The following VPS13D variants were observed in gnomAD, a reference collection of about 807,000 sequenced individuals.
VPS13D encodes vacuolar protein sorting 13 homolog D, also known as intermembrane lipid transfer protein VPS13D.
In VPS13D, 187 loss-of-function variants were observed where a neutral mutation model predicts 461.9. That is an observed-to-expected ratio of 0.40 (90% CI 0.36 to 0.46). The LOEUF is 0.46. VPS13D is among the 20% of genes least tolerant of loss of function. The pLI, the probability that VPS13D is intolerant of heterozygous loss-of-function variation, is 0.60. For synonymous variants in VPS13D, 1,951 were observed against 1,986.3 expected (o/e 0.98, Z 0.47); for missense variants, 4,711 against 5,364.9 (o/e 0.88, Z 3.81).
In VPS13D at chr1:12,355,886, G is replaced by T. The variant is rs148182752; in HGVS notation, c.9680-13G>T. The T allele has an allele frequency of 7.6e-5, 116 of 1,519,862 alleles. No homozygotes were observed. In the East Asian group the frequency reaches 2.4e-3, roughly 31 times the overall value. 94.1% of individuals were successfully genotyped at this position (1,519,862 alleles called of 1,614,324 possible). On this transcript the variant is annotated splice_polypyrimidine_tract_variant and intron_variant, in intron 47 of 69. Coordinates refer to ENST00000620676, the MANE Select transcript of VPS13D (RefSeq NM_015378.4). ...TGAGAACTCTGAAAGTTAATAGTTT[G>T]TATCTTCTTTAGGGGTATCACTGGA... is the stretch of plus-strand genomic sequence containing the variant.
At chr1:12,482,784 G>T (rs932913640) in intron 67 of VPS13D, among the ~76,000 whole-genome samples, 1 of 148,082 alleles carries the variant, frequency 6.8e-6, no homozygotes, top group East Asian at 1.9e-4. Context: ...TGTATACATA[G>T]TATACATATA....
At chr1:12,491,126 A>G (rs1645875200) in intron 67 of VPS13D, among the ~76,000 whole-genome samples, 2 of 152,248 alleles carry the variant, frequency 1.3e-5, no homozygotes, top group African/African-American at 4.8e-5. Flanking sequence ...ACACTCGAGC[A>G]CAGTATATAT....
chr1:12,334,833 T>C (rs1643410931), intron 38 of VPS13D, among the ~76,000 whole-genome samples: 1 of 152,214 alleles, frequency 6.6e-6, no homozygotes, highest in Non-Finnish European at 1.5e-5. Context: ...GTTTTGTTTT[T>C]TTCACCTTCA....
chr1:12,261,361 G>A (rs984399505), intron 12 of VPS13D, among the ~76,000 whole-genome samples: 1 of 152,200 alleles, frequency 6.6e-6, no homozygotes, highest in African/African-American at 2.4e-5. Context: ...GAGCTGAGAG[G>A]CAGAGCGTGT....
intron 67 of VPS13D, among the ~76,000 whole-genome samples, chr1:12,467,679 A>T (rs372373100): frequency 1.3e-5 from 2 of 152,164 alleles, no homozygotes; most frequent in Non-Finnish European, 2.9e-5. Flanking sequence ...GCTCAGATCT[A>T]TTGTTGGAAA....
chr1:12,433,066 C>T (rs568801246), intron 65 of VPS13D, among the ~76,000 whole-genome samples: 4 of 152,256 alleles, frequency 2.6e-5, no homozygotes, highest in Non-Finnish European at 5.9e-5. Context: ...TGGGGGCCCA[C>T]GCATATCTGC....
rs1421278113 is a variant in VPS13D, at chr1:12,363,221, GAAT to G, written c.10426_10428del (p.Asn3476del). Reference sequence around the variant, plus strand: ...GGTCTGGAGGCTTTGAAGTCAACAAGAATAATTCCTTCCATATCAACATGAGGT... The same window carrying G: ...GGTCTGGAGGCTTTGAAGTCAACAAGAATTCCTTCCATATCAACATGAGGT... On this transcript the variant is annotated inframe_deletion, in exon 52 of 70. Transcript: ENST00000620676. The G allele has an allele frequency of 1.5e-5, 24 of 1,614,026 alleles. No homozygotes were observed. Among genetic ancestry groups the G allele is most frequent in the Admixed American group, 1.7e-5 (1 of 59,990 alleles).
At chr1:12,345,611 T>C in intron 43 of VPS13D, 102 bp downstream of exon 43, 1 of 1,470,258 alleles carries the variant, frequency 6.8e-7, no homozygotes, top group Non-Finnish European at 9.2e-7. Flanking sequence ...TGTTCTTTCT[T>C]TCCCCTAATT....
At chr1:12,496,958 T>G (rs1645966636) in intron 67 of VPS13D, 1 of 152,476 alleles carries the variant, frequency 6.6e-6, no homozygotes, top group Admixed American at 6.5e-5. Context: ...CCCAAGGAAC[T>G]GACCTCATCT....
intron 66 of VPS13D, among the ~76,000 whole-genome samples, chr1:12,459,396 G>A (rs747692439): frequency 2.0e-5 from 3 of 152,052 alleles, no homozygotes; most frequent in Admixed American, 1.3e-4. Context: ...GTATCTGCAG[G>A]GGATCCTGGA....
intron 67 of VPS13D, among the ~76,000 whole-genome samples, chr1:12,463,790 C>T (rs943195401): frequency 6.6e-6 from 1 of 152,132 alleles, no homozygotes; most frequent in Admixed American, 6.5e-5. Flanking sequence ...AAACAACAGG[C>T]CAGAGTCCCA....
intron 37 of VPS13D, among the ~76,000 whole-genome samples, chr1:12,330,646 C>T (rs1304169337): frequency 6.6e-6 from 1 of 152,028 alleles, no homozygotes; most frequent in Non-Finnish European, 1.5e-5. Context: ...CGGCTCACTG[C>T]AACTTCTGCC....
At chr1:12,494,768 T>G (rs1645934069) in intron 67 of VPS13D, among the ~76,000 whole-genome samples, 1 of 152,236 alleles carries the variant, frequency 6.6e-6, no homozygotes, top group Admixed American at 6.5e-5. Context: ...AGAGACAGCC[T>G]TGTCCTTTCT....
chr1:12,354,856 A>G (rs1218768683), intron 47 of VPS13D, among the ~76,000 whole-genome samples: 1 of 152,194 alleles, frequency 6.6e-6, no homozygotes, highest in Admixed American at 6.5e-5. Flanking sequence ...TTTGGAATGC[A>G]TCAAGTAATT....
chr1:12,231,555 G>T (rs183123974), intron 1 of VPS13D, among the ~76,000 whole-genome samples: 40 of 152,288 alleles, frequency 2.6e-4, no homozygotes, highest in African/African-American at 8.9e-4. Flanking sequence ...CTCAGAGTTG[G>T]CATTTAGGGC....
At chr1:12,408,859 T>A (rs990730918) in intron 63 of VPS13D, among the ~76,000 whole-genome samples, 3 of 152,350 alleles carry the variant, frequency 2.0e-5, no homozygotes, top group Admixed American at 1.3e-4. Flanking sequence ...GCTCTGTTGC[T>A]TCTCTGCCTA....
At chr1:12,264,156 A>G (rs181418176) in intron 13 of VPS13D, among the ~76,000 whole-genome samples, 1 of 152,288 alleles carries the variant, frequency 6.6e-6, no homozygotes, top group Admixed American at 6.5e-5. Context: ...AACTTAGTCA[A>G]TATTGTGTAT....
intron 9 of VPS13D, among the ~76,000 whole-genome samples, chr1:12,257,446 C>T (rs1331012182): frequency 6.6e-6 from 1 of 152,184 alleles, no homozygotes; most frequent in African/African-American, 2.4e-5. Flanking sequence ...GTTTGGTCAA[C>T]ATTTACATAG....
At chr1:12,387,898 G>A (rs2101657885) in intron 60 of VPS13D, among the ~76,000 whole-genome samples, 1 of 152,266 alleles carries the variant, frequency 6.6e-6, no homozygotes, top group Non-Finnish European at 1.5e-5. Flanking sequence ...AATGAGAGTG[G>A]GAAGACAATG....
Sources: gnomAD v4.1 joint callset for allele counts (sites outside exome capture counted in the v4.1 genomes callset) on GRCh38, gnomAD v4.1.1 for gene constraint, MANE v1.5 for transcripts, NCBI Gene and HGNC (gene_info 2026-07-23, HGNC 2026-07-21) for gene names.